The following EBF1 variants were observed in gnomAD, a reference collection of about 807,000 sequenced individuals.
EBF1 encodes EBF transcription factor 1.
Under a neutral mutation model 68.4 loss-of-function variants are expected in EBF1, and 10 were observed. That is an observed-to-expected ratio of 0.15 (90% CI 0.09 to 0.25). The LOEUF is 0.25. Among genes scored for constraint, EBF1 ranks in the 10% least tolerant of loss-of-function variants. EBF1 has a pLI of 1.00. For synonymous variants in EBF1, 298 were observed against 299.8 expected (o/e 0.99, Z 0.06); for missense variants, 509 against 794.4 (o/e 0.64, Z 4.32).
At chr5:158,706,271 G>A (rs976198771) in intron 15 of EBF1, among the ~76,000 whole-genome samples, 12 of 151,528 alleles carry the variant, frequency 7.9e-5, no homozygotes, top group African/African-American at 2.9e-4. Flanking sequence ...GGCGTGCTCT[G>A]TGGGGCGCTG....
chr5:158,929,958 C>G (rs1402013848), intron 6 of EBF1, among the ~76,000 whole-genome samples: 1 of 152,200 alleles, frequency 6.6e-6, no homozygotes, highest in Admixed American at 6.5e-5. Flanking sequence ...GTACCAGCAT[C>G]AAAGTCAAGA....
chr5:158,824,752 A>T (rs1283275194), intron 7 of EBF1, among the ~76,000 whole-genome samples: 2 of 152,228 alleles, frequency 1.3e-5, no homozygotes, highest in Non-Finnish European at 2.9e-5. Context: ...GCCCTGGCCT[A>T]TGCCTGTGAA....
chr5:158,889,564 G>T (rs1800756312), intron 6 of EBF1, among the ~76,000 whole-genome samples: 1 of 152,210 alleles, frequency 6.6e-6, no homozygotes, highest in African/African-American at 2.4e-5. Flanking sequence ...TGAGCTACGA[G>T]AATGGGATTC....
intron 6 of EBF1, among the ~76,000 whole-genome samples, chr5:158,877,027 A>G (rs1472002216): frequency 2.0e-5 from 3 of 152,148 alleles, no homozygotes; most frequent in Non-Finnish European, 4.4e-5. Flanking sequence ...TTTTATTGTA[A>G]AAGTGTAAAG....
intron 11 of EBF1, among the ~76,000 whole-genome samples, chr5:158,720,877 A>C (rs1253704278): frequency 6.6e-6 from 1 of 152,210 alleles, no homozygotes; most frequent in African/African-American, 2.4e-5. Flanking sequence ...TATATTTTAC[A>C]ACCCCACATT....
intron 8 of EBF1, among the ~76,000 whole-genome samples, chr5:158,808,681 T>C (rs780794329): frequency 2.0e-4 from 31 of 151,808 alleles, no homozygotes; most frequent in Non-Finnish European, 4.1e-4. Context: ...ATGTGAAGAG[T>C]TCAGTACAGA....
chr5:158,751,058 CTG>C (rs917285980), intron 10 of EBF1, among the ~76,000 whole-genome samples: 5 of 151,964 alleles, frequency 3.3e-5, no homozygotes, highest in Non-Finnish European at 7.4e-5. Flanking sequence ...GGATATAAAA[CTG>C]TGTGTGTGTA....
chr5:158,697,819 C>T lies in EBF1; in HGVS notation c.*1292G>A, dbSNP rs1204273258. 4.8e-6 allele frequency: 1 copy of T among 209,580 alleles called. No homozygotes were observed. The highest frequency in any genetic ancestry group is 7.2e-5 in the East Asian group (1 of 13,878). 13.0% of individuals were successfully genotyped at this position (209,580 alleles called of 1,614,324 possible). On this transcript the variant is annotated 3_prime_UTR_variant, in exon 16 of 16. Coordinates refer to ENST00000313708, the MANE Select transcript of EBF1 (RefSeq NM_024007.5). ...AACACAAGAGCAAAGAAAAAAATAT[C>T]AGGCAAATGCATCCTCAGAGCTTTG... is the stretch of plus-strand genomic sequence containing the variant.
At chr5:158,844,364 C>A (rs1562096885) in intron 6 of EBF1, among the ~76,000 whole-genome samples, 1 of 151,994 alleles carries the variant, frequency 6.6e-6, no homozygotes, top group Non-Finnish European at 1.5e-5. Context: ...AAATTAGGTG[C>A]ACCAGGAATT....
intron 6 of EBF1, among the ~76,000 whole-genome samples, chr5:158,927,245 C>T (rs1406503880): frequency 2.0e-5 from 3 of 152,202 alleles, no homozygotes; most frequent in Admixed American, 6.5e-5. Flanking sequence ...ATAGTAAGCA[C>T]TCATTACATG....
At chr5:158,704,746 T>C (rs1369911990) in intron 15 of EBF1, among the ~76,000 whole-genome samples, 2 of 152,158 alleles carry the variant, frequency 1.3e-5, no homozygotes, top group Admixed American at 6.5e-5. Flanking sequence ...GAAAAACTGG[T>C]GCCCACCTAA....
intron 10 of EBF1, among the ~76,000 whole-genome samples, chr5:158,773,866 G>A (rs887017520): frequency 6.6e-6 from 1 of 152,124 alleles, no homozygotes; most frequent in African/African-American, 2.4e-5. Flanking sequence ...AATAATAAAG[G>A]TATTAGGGAG....
At chr5:158,909,777 A>C (rs1014306236) in intron 6 of EBF1, among the ~76,000 whole-genome samples, 2 of 151,974 alleles carry the variant, frequency 1.3e-5, no homozygotes, top group Admixed American at 6.6e-5. Context: ...TCTCTACTAA[A>C]CATACAAAAA....
At chr5:158,796,553 G>T in intron 8 of EBF1, 78 bp from the exon 9 acceptor site, 1 of 1,443,700 alleles carries the variant, frequency 6.9e-7, no homozygotes, top group Non-Finnish European at 9.2e-7. Flanking sequence ...TTGAGAAAAA[G>T]GAAAAAAAAA....
intron 6 of EBF1, among the ~76,000 whole-genome samples, chr5:158,845,202 C>T (rs1350049019): frequency 6.6e-6 from 1 of 152,160 alleles, no homozygotes; most frequent in East Asian, 1.9e-4. Context: ...ACAGTAAAGA[C>T]AGCAGTAGAA....
chr5:158,968,319 T>C (rs749904245), intron 6 of EBF1, among the ~76,000 whole-genome samples: 3 of 152,232 alleles, frequency 2.0e-5, no homozygotes, highest in Non-Finnish European at 4.4e-5. Context: ...GTAGGGGTAA[T>C]GCATCATTCA....
chr5:158,886,208 A>C (rs1212416617), intron 6 of EBF1, among the ~76,000 whole-genome samples: 1 of 152,238 alleles, frequency 6.6e-6, no homozygotes, highest in East Asian at 1.9e-4. Flanking sequence ...TGTCATCAAA[A>C]TGTTGCATTG....
At chr5:158,825,523 C>A (rs539274100) in intron 7 of EBF1, among the ~76,000 whole-genome samples, 1 of 151,280 alleles carries the variant, frequency 6.6e-6, no homozygotes, top group African/African-American at 2.4e-5. Context: ...ATTCACCATG[C>A]ACCTGTAAGA....
At chr5:158,930,268 T>TG (rs975052983) in intron 6 of EBF1, among the ~76,000 whole-genome samples, 2 of 110,114 alleles carry the variant, frequency 1.8e-5, no homozygotes, top group African/African-American at 2.7e-5. Flanking sequence ...TTGTTTTTTT[T>TG]TTTGTTTGTT....
Sources: gnomAD v4.1 joint callset for allele counts (sites outside exome capture counted in the v4.1 genomes callset) on GRCh38, gnomAD v4.1.1 for gene constraint, MANE v1.5 for transcripts, NCBI Gene and HGNC (gene_info 2026-07-23, HGNC 2026-07-21) for gene names.